RALY: variants seen among roughly 807,000 people sequenced by gnomAD.
RALY encodes RNA-binding protein Raly.
RALY carries 15 observed loss-of-function variants against 30.7 expected under a neutral mutation model. That is an observed-to-expected ratio of 0.49 (90% CI 0.33 to 0.75). The LOEUF (loss-of-function observed/expected upper bound fraction) is 0.75. Ranked by LOEUF, RALY falls within the 30% of genes least tolerant of loss-of-function variation. The pLI, the probability that RALY is intolerant of heterozygous loss-of-function variation, is 0.02. For synonymous variants in RALY, 177 were observed against 170.8 expected, an observed-to-expected ratio of 1.04 and a Z score of -0.28; for missense variants, 339 against 414.3, an observed-to-expected ratio of 0.82 and a Z score of 1.58.
At chr20:34,030,811 G>A (rs1451113287) in intron 1 of RALY, among the ~76,000 whole-genome samples, 1 of 151,962 alleles carries the variant, frequency 6.6e-6, no homozygotes, top group African/African-American at 2.4e-5. Flanking sequence ...AACATACCAA[G>A]GCCTCAGGGC....
intron 2 of RALY, among the ~76,000 whole-genome samples, chr20:34,061,558 A>G (rs901058290): frequency 1.3e-5 from 2 of 152,222 alleles, no homozygotes; most frequent in African/African-American, 2.4e-5. Flanking sequence ...TAGTTTTGAG[A>G]AGTACTGACT....
intron 2 of RALY, among the ~76,000 whole-genome samples, chr20:34,064,066 G>T (rs1321625720): frequency 2.0e-5 from 3 of 152,074 alleles, no homozygotes; most frequent in Non-Finnish European, 4.4e-5. Context: ...TCCGTGTTTG[G>T]ATATTTATAA....
Position 34,081,946 on chromosome 20 carries a change from C to T in RALY, c.*2041C>T, listed in dbSNP as rs2034037129. The T allele has an allele frequency of 6.6e-6, 1 of 152,392 alleles. No homozygotes were observed. The highest frequency in any genetic ancestry group is 6.5e-5 in the Admixed American group (1 of 15,294). The allele number at this position is 152,392 out of a possible 1,614,324, so 9.4% of individuals were successfully genotyped here. ...CAGCAGGGAGAGAGTAGAGATTTGT[C>T]AAGAGCCCATGGTGGAGGCTGAGGC... On this transcript the variant is annotated 3_prime_UTR_variant, in exon 10 of 10. Coordinates refer to ENST00000246194, the MANE Select transcript of RALY (RefSeq NM_016732.3).
At chr20:34,078,763 G>C (rs1208626122) in intron 9 of RALY, among the ~76,000 whole-genome samples, 1 of 152,148 alleles carries the variant, frequency 6.6e-6, no homozygotes, top group East Asian at 1.9e-4. Flanking sequence ...AGGTGCCGTA[G>C]ATGGGCCAGG....
chr20:33,999,302 G>A (rs375768789), intron 1 of RALY, among the ~76,000 whole-genome samples: 4 of 152,074 alleles, frequency 2.6e-5, no homozygotes, highest in East Asian at 1.9e-4. Context: ...CGTAAGGGAG[G>A]GGGTAGGGTT....
intron 2 of RALY, among the ~76,000 whole-genome samples, chr20:34,058,063 A>G (rs2033306455): frequency 6.6e-6 from 1 of 151,234 alleles, no homozygotes; most frequent in African/African-American, 2.4e-5. Flanking sequence ...AAGCTTGTTT[A>G]GTGTAGTGCC....
At chr20:34,020,505 A>C (rs959113211) in intron 1 of RALY, among the ~76,000 whole-genome samples, 2 of 152,234 alleles carry the variant, frequency 1.3e-5, no homozygotes, top group Non-Finnish European at 2.9e-5. Context: ...TCCTGTAGGC[A>C]AAGGGGATCC....
intron 1 of RALY, among the ~76,000 whole-genome samples, chr20:34,012,566 G>C (rs2031449264): frequency 6.6e-6 from 1 of 152,028 alleles, no homozygotes; most frequent in East Asian, 1.9e-4. Context: ...TGCCCTTCTT[G>C]AGAAATTCTT....
intron 6 of RALY, 49 bp downstream of exon 6, chr20:34,076,089 C>T: frequency 6.4e-7 from 1 of 1,565,520 alleles, no homozygotes; most frequent in Non-Finnish European, 8.7e-7. Flanking sequence ...TTATCATTAG[C>T]AAAATAATAG....
chr20:34,028,158 T>C (rs113665167), intron 1 of RALY, among the ~76,000 whole-genome samples: 9 of 151,716 alleles, frequency 5.9e-5, no homozygotes, highest in Non-Finnish European at 1.3e-4. Flanking sequence ...TGGTGGCACG[T>C]GCCTGTAATC....
chr20:34,076,692 C>G lies in RALY; in HGVS notation c.545-10C>G. ...CCTAGGTGACAGCCCTGTCCCCCCT[C>G]CACTCCCAGTAAAGAGCAGTGAGCT... On this transcript the variant is annotated splice_polypyrimidine_tract_variant and intron_variant, in intron 6 of 9. Transcript: ENST00000246194. 6.2e-7 allele frequency: 1 copy of G among 1,612,756 alleles called. No individual in the cohort carries two copies. Among genetic ancestry groups the G allele is most frequent in the Non-Finnish European group, 8.5e-7 (1 of 1,179,060 alleles).
intron 2 of RALY, among the ~76,000 whole-genome samples, chr20:34,034,625 G>A (rs2032410341): frequency 6.6e-6 from 1 of 152,170 alleles, no homozygotes; most frequent in Non-Finnish European, 1.5e-5. Flanking sequence ...CATTTTTCCA[G>A]AGTCCAACTG....
intron 1 of RALY, among the ~76,000 whole-genome samples, chr20:34,025,789 G>A (rs1226263881): frequency 6.6e-6 from 1 of 151,040 alleles, no homozygotes; most frequent in South Asian, 2.1e-4. Flanking sequence ...GTCCCAGACC[G>A]TTTGCTTGAT....
At chr20:34,048,848 C>T (rs1314736469) in intron 2 of RALY, among the ~76,000 whole-genome samples, 27 of 56,574 alleles carry the variant, frequency 4.8e-4, no homozygotes, top group African/African-American at 1.1e-3. Context: ...AGCGAGACTC[C>T]GTCTCAAAAA....
rs142661228 is a variant in RALY, at chr20:34,013,521, C to G, written c.-92-18001C>G. Among the ~76,000 whole-genome samples the G allele has an allele frequency of 7.1e-3, 1,079 of 152,150 alleles. 12 individuals carry two copies. The highest frequency in any genetic ancestry group is 0.024 in the African/African-American group (1,013 of 41,482). On this transcript the variant is annotated intron_variant, in intron 1 of 9. Coordinates refer to ENST00000246194, the MANE Select transcript of RALY (RefSeq NM_016732.3). ...GTAAATTGAGCAGCATCTGTATTTCCCCTAAGTAGAAATCCCCTTATCTTC... is the reference window on the plus strand; with the variant it reads ...GTAAATTGAGCAGCATCTGTATTTCGCCTAAGTAGAAATCCCCTTATCTTC...
In RALY at chr20:34,035,176, A is replaced by C. The variant is rs1004533717; in HGVS notation, c.-10+3572A>C. Reference sequence around the variant, plus strand: ...TCAAAAAAAAAAAAAAAAAAAAAAAAAAAAAAAAAAACAGTCTGGAGGCCA... The same window carrying C: ...TCAAAAAAAAAAAAAAAAAAAAAAACAAAAAAAAAAACAGTCTGGAGGCCA... On this transcript the variant is annotated intron_variant, in intron 2 of 9. Transcript: ENST00000246194. 1.4e-4 allele frequency among the ~76,000 whole-genome samples: 20 copies of C among 138,642 alleles called. 1 individual carries two copies. Among genetic ancestry groups the C allele is most frequent in the Admixed American group, 7.0e-4 (10 of 14,220 alleles). The allele number at this position is 138,642 out of a possible 152,430, so 91.0% of individuals were successfully genotyped here.
chr20:34,023,090 T>C (rs2031889460), intron 1 of RALY, among the ~76,000 whole-genome samples: 1 of 152,162 alleles, frequency 6.6e-6, no homozygotes. Context: ...TGTAGTTCAG[T>C]ACAGACAAAC....
chr20:34,050,687 A>G (rs977435289), intron 2 of RALY, among the ~76,000 whole-genome samples: 2 of 152,090 alleles, frequency 1.3e-5, no homozygotes, highest in African/African-American at 4.8e-5. Flanking sequence ...TTGCCATCCC[A>G]TATAATGGGG....
chr20:34,044,275 A>G (rs1347598906), intron 2 of RALY, among the ~76,000 whole-genome samples: 1 of 151,980 alleles, frequency 6.6e-6, no homozygotes, highest in African/African-American at 2.4e-5. Context: ...ATTAGGTGAT[A>G]TATATTTGTC....
Sources: gnomAD v4.1 joint callset for allele counts (sites outside exome capture counted in the v4.1 genomes callset) on GRCh38, gnomAD v4.1.1 for gene constraint, MANE v1.5 for transcripts, NCBI Gene and HGNC (gene_info 2026-07-23, HGNC 2026-07-21) for gene names.